LASP1: variants seen among roughly 807,000 people sequenced by gnomAD.
The protein encoded by LASP1 is LIM and SH3 domain protein 1.
LASP1 carries 10 observed loss-of-function variants against 38.6 expected under a neutral mutation model. The ratio of observed to expected loss-of-function variants is 0.26; its 90% CI spans 0.16 to 0.44. The LOEUF (loss-of-function observed/expected upper bound fraction) is 0.44. LASP1 is among the 20% of genes least tolerant of loss of function. The probability of loss-of-function intolerance (pLI) is 1.00; values close to 1 mark genes in which losing one functional copy is unlikely to be tolerated. For synonymous variants in LASP1, 132 were observed against 140.8 expected (o/e 0.94, Z 0.44); for missense variants, 243 against 375.7 (o/e 0.65, Z 2.92).
intron 2 of LASP1, among the ~76,000 whole-genome samples, chr17:38,889,129 T>C (rs1162126583): frequency 6.6e-6 from 1 of 152,096 alleles, no homozygotes. Context: ...TTTTTTTGTT[T>C]TGTTTTGTTT....
intron 4 of LASP1, among the ~76,000 whole-genome samples, chr17:38,905,547 A>G (rs1191696830): frequency 6.6e-6 from 1 of 151,044 alleles, no homozygotes; most frequent in Non-Finnish European, 1.5e-5. Flanking sequence ...AAAAAAAAAA[A>G]AAAGTGTGCT....
At chr17:38,881,099 T>G (rs1022957394) in intron 2 of LASP1, among the ~76,000 whole-genome samples, 1 of 151,384 alleles carries the variant, frequency 6.6e-6, no homozygotes, top group South Asian at 2.1e-4. Flanking sequence ...AGACTCCATC[T>G]CAAAACAAAC....
intron 2 of LASP1, chr17:38,890,202 C>A: frequency 1.8e-6 from 1 of 556,832 alleles, no homozygotes; most frequent in Non-Finnish European, 3.2e-6. Flanking sequence ...ATCACTGATG[C>A]CTGCTGCGTC....
At chr17:38,871,371 G>A (rs936241990) in intron 1 of LASP1, among the ~76,000 whole-genome samples, 2 of 151,948 alleles carry the variant, frequency 1.3e-5, no homozygotes, top group Non-Finnish European at 2.9e-5. Flanking sequence ...AGTCTGGAGG[G>A]GAGGCCTCTG....
At position 38,872,755 on chromosome 17, in the gene LASP1, C is replaced by T. The variant is rs139494029; in HGVS notation, c.69+2497C>T. 4.0e-4 allele frequency among the ~76,000 whole-genome samples: 61 copies of T among 152,270 alleles called. No homozygotes were observed. In the East Asian group the frequency reaches 6.6e-3, roughly 16 times the overall value. On this transcript the variant is annotated intron_variant, in intron 1 of 6. Transcript: ENST00000318008. ...TCTACAATCCCCCATGGTACTCAGC[C>T]CACTACGTGGCCCAAAGCACAGGGT...
intron 3 of LASP1, among the ~76,000 whole-genome samples, chr17:38,892,997 ATGTGTG>A (rs3837799): frequency 1.3e-4 from 20 of 151,114 alleles, no homozygotes; most frequent in Admixed American, 9.2e-4. Context: ...GCACGCGTGT[ATGTGTG>A]TGTGTGTGTG....
chr17:38,892,483 G>T (rs1000126412), intron 3 of LASP1, among the ~76,000 whole-genome samples: 5 of 152,190 alleles, frequency 3.3e-5, no homozygotes, highest in African/African-American at 4.8e-5. Context: ...GGCCATGGGG[G>T]CCAGAGGTGG....
intron 3 of LASP1, among the ~76,000 whole-genome samples, chr17:38,896,423 C>G (rs1914493687): frequency 6.6e-6 from 1 of 152,216 alleles, no homozygotes; most frequent in African/African-American, 2.4e-5. Flanking sequence ...CACCCCTACC[C>G]TCTGTGGGCC....
At position 38,920,702 on chromosome 17, in the gene LASP1, G is replaced by T. The variant is rs1915274612; in HGVS notation, c.*1924G>T. On this transcript the variant is annotated 3_prime_UTR_variant, in exon 7 of 7. Transcript: ENST00000318008. ...GGTTGAGGAAAAGACTGTGGGTGGG[G>T]AGGCCCTGCCTGACCCATCCCTTTT... 4.3e-6 allele frequency: 1 copy of T among 233,924 alleles called. No homozygotes were observed. Among genetic ancestry groups the T allele is most frequent in the South Asian group, 1.8e-4 (1 of 5,540 alleles). 14.5% of individuals were successfully genotyped at this position (233,924 alleles called of 1,614,324 possible). A position where few individuals can be genotyped will look rare whatever the true frequency, so the allele number is the denominator to read the frequency against.
intron 2 of LASP1, among the ~76,000 whole-genome samples, chr17:38,880,042 C>T (rs1321568203): frequency 1.3e-5 from 2 of 152,126 alleles, no homozygotes; most frequent in Admixed American, 6.5e-5. Context: ...GGAAATGGGA[C>T]ATTCTTCGAA....
intron 4 of LASP1, among the ~76,000 whole-genome samples, chr17:38,901,506 TG>T (rs1914640390): frequency 6.6e-6 from 1 of 152,184 alleles, no homozygotes; most frequent in Non-Finnish European, 1.5e-5. Context: ...CTGTCGGATA[TG>T]GGCCTCCAGA....
chr17:38,903,377 T>C (rs992114680), intron 4 of LASP1, among the ~76,000 whole-genome samples: 5 of 152,160 alleles, frequency 3.3e-5, no homozygotes, highest in African/African-American at 7.2e-5. Flanking sequence ...ATTATCATCA[T>C]TATTATTTTT....
At chr17:38,878,265 A>C (rs1251646673) in intron 2 of LASP1, 85 bp downstream of exon 2, 1 of 884,398 alleles carries the variant, frequency 1.1e-6, no homozygotes, top group Non-Finnish European at 1.9e-6. Flanking sequence ...AATAACCGCA[A>C]GGTGACATTG....
intron 4 of LASP1, among the ~76,000 whole-genome samples, chr17:38,911,008 T>C (rs640306): frequency 0.7 from 105,927 of 152,020 alleles, 37,774 homozygotes; most frequent in African/African-American, 0.86. Context: ...CAGGCGTGAG[T>C]CACCGCGCCC....
intron 4 of LASP1, among the ~76,000 whole-genome samples, chr17:38,905,530 C>CAAAAAAAA (rs35515925): frequency 1.1e-5 from 1 of 93,108 alleles, no homozygotes; most frequent in Non-Finnish European, 2.1e-5. Flanking sequence ...GACTCCATCT[C>CAAAAAAAA]AAAAAAAAAA....
At chr17:38,896,165 C>T (rs1000212779) in intron 3 of LASP1, among the ~76,000 whole-genome samples, 13 of 148,046 alleles carry the variant, frequency 8.8e-5, no homozygotes, top group East Asian at 3.9e-4. Flanking sequence ...ACACCCCTGG[C>T]CCCCCACCCT....
At chr17:38,895,958 C>T (rs1385679407) in intron 3 of LASP1, among the ~76,000 whole-genome samples, 1 of 152,196 alleles carries the variant, frequency 6.6e-6, no homozygotes, top group Non-Finnish European at 1.5e-5. Flanking sequence ...AGGCATCTCC[C>T]AGAAGTGGGG....
chr17:38,900,536 G>T (rs1037334472), intron 4 of LASP1, among the ~76,000 whole-genome samples: 1 of 152,120 alleles, frequency 6.6e-6, no homozygotes, highest in African/African-American at 2.4e-5. Flanking sequence ...AGCTGGGCGT[G>T]GTGGCGTGTG....
chr17:38,885,376 T>A (rs985456286), intron 2 of LASP1, among the ~76,000 whole-genome samples: 1 of 152,216 alleles, frequency 6.6e-6, no homozygotes, highest in African/African-American at 2.4e-5. Context: ...CTCTGTAAAT[T>A]GTCCTGAAGC....
Sources: gnomAD v4.1 joint callset for allele counts (sites outside exome capture counted in the v4.1 genomes callset) on GRCh38, gnomAD v4.1.1 for gene constraint, MANE v1.5 for transcripts, NCBI Gene and HGNC (gene_info 2026-07-23, HGNC 2026-07-21) for gene names.